Variants in WT1 observed in about 807,000 individuals in gnomAD.
The protein encoded by WT1 is WT1 transcription factor.
Under a neutral mutation model 60.8 loss-of-function variants are expected in WT1, and 8 were observed. That is an observed-to-expected ratio of 0.13 (90% CI 0.08 to 0.24). The LOEUF is 0.24. Among genes scored for constraint, WT1 ranks in the 10% least tolerant of loss-of-function variants. The probability of loss-of-function intolerance (pLI) is 1.00; values close to 1 mark genes in which losing one functional copy is unlikely to be tolerated. For synonymous variants in WT1, 312 were observed against 297.1 expected (o/e 1.05, Z -0.52); for missense variants, 568 against 711.8 (o/e 0.80, Z 2.30).
In WT1 at chr11:32,395,170, A is replaced by G. The variant is rs550704974; in HGVS notation, c.1264+1087T>C. 1.9e-3 allele frequency among the ~76,000 whole-genome samples: 287 copies of G among 152,320 alleles called. 1 individual carries two copies. Among genetic ancestry groups the G allele is most frequent in the Non-Finnish European group, 2.4e-3 (166 of 68,018 alleles). On this transcript the variant is annotated intron_variant, in intron 7 of 9. Transcript: ENST00000452863. ...AGCTCACTTTTTTCTCCAGCTTCCC[A>G]AGAGCAAAATCAGCAGTAATAACAC...
intron 3 of WT1, among the ~76,000 whole-genome samples, chr11:32,418,813 A>T (rs889309039): frequency 6.6e-6 from 1 of 152,244 alleles, no homozygotes; most frequent in Non-Finnish European, 1.5e-5. Context: ...GCATAGCGTG[A>T]TAAATCATGG....
intron 5 of WT1, among the ~76,000 whole-genome samples, chr11:32,405,625 C>T (rs557477826): frequency 2.2e-4 from 27 of 122,784 alleles, no homozygotes; most frequent in Non-Finnish European, 3.7e-4. Flanking sequence ...CATCACCTTA[C>T]ACAAATGACA....
intron 3 of WT1, among the ~76,000 whole-genome samples, chr11:32,426,114 T>C (rs997911137): frequency 6.6e-6 from 1 of 152,004 alleles, no homozygotes. Context: ...AAGTAACGGA[T>C]GTGTGTGTAG....
chr11:32,414,841 C>G (rs1018575755), intron 5 of WT1, among the ~76,000 whole-genome samples: 4 of 150,874 alleles, frequency 2.7e-5, no homozygotes, highest in Admixed American at 2.6e-4. Context: ...CCACTGCACT[C>G]CAGCCTGGGT....
intron 5 of WT1, among the ~76,000 whole-genome samples, chr11:32,403,540 C>T (rs934580651): frequency 2.0e-5 from 3 of 150,484 alleles, no homozygotes; most frequent in Admixed American, 6.6e-5. Flanking sequence ...CTTCTCATTT[C>T]GGACTCCTGG....
chr11:32,432,752 C>A (rs1229197880), intron 1 of WT1, among the ~76,000 whole-genome samples: 2 of 152,186 alleles, frequency 1.3e-5, no homozygotes, highest in Non-Finnish European at 1.5e-5. Flanking sequence ...CCACCCCCCA[C>A]GACATGTGAT....
intron 5 of WT1, among the ~76,000 whole-genome samples, chr11:32,415,663 T>C (rs5030218): frequency 0.34 from 52,084 of 151,994 alleles, 10,398 homozygotes; most frequent in East Asian, 0.72. Context: ...GAAAAGAGAA[T>C]GGGTAGAAAG....
chr11:32,392,566 G>A lies in WT1; in HGVS notation c.1354+100C>T, dbSNP rs184451433. 61 of 1,153,376 alleles carry A rather than the reference G, an allele frequency of 5.3e-5. No individual in the cohort carries two copies. In the East Asian group the frequency reaches 1.2e-3, roughly 22 times the overall value. 71.4% of individuals were successfully genotyped at this position (1,153,376 alleles called of 1,614,324 possible). A position where few individuals can be genotyped will look rare whatever the true frequency, so the allele number is the denominator to read the frequency against. On this transcript the variant is annotated intron_variant, in intron 8 of 9. Transcript: ENST00000452863. ...AAAATACTGGAAAAACTAAACACAT[G>A]GCTGACTCTCTCATTCATATTCAAC...
At chr11:32,397,784 A>T (rs1057190270) in intron 6 of WT1, among the ~76,000 whole-genome samples, 8 of 152,210 alleles carry the variant, frequency 5.3e-5, no homozygotes, top group Non-Finnish European at 8.8e-5. Flanking sequence ...TAAATGCTGC[A>T]GTGACATACA....
chr11:32,433,790 C>G (rs1229907989), intron 1 of WT1, among the ~76,000 whole-genome samples: 1 of 152,200 alleles, frequency 6.6e-6, no homozygotes, highest in East Asian at 1.9e-4. Flanking sequence ...TGCCGAGTTC[C>G]CTCCTTGTAT....
chr11:32,420,852 C>G (rs190998814), intron 3 of WT1, among the ~76,000 whole-genome samples: 2 of 152,320 alleles, frequency 1.3e-5, no homozygotes, highest in Admixed American at 1.3e-4. Context: ...TAGAAGCCCC[C>G]TTTGCCATTC....
chr11:32,391,163 T>G (rs1175716442), intron 9 of WT1, among the ~76,000 whole-genome samples: 1 of 152,106 alleles, frequency 6.6e-6, no homozygotes, highest in African/African-American at 2.4e-5. Context: ...TTTTGTATTT[T>G]TTGTAGAGAC....
At chr11:32,428,094 C>G (rs1433346932) in intron 2 of WT1, 36 bp from the exon 3 acceptor site, 1 of 1,557,642 alleles carries the variant, frequency 6.4e-7, no homozygotes, top group Non-Finnish European at 8.7e-7. Context: ...AGCGAGTGCG[C>G]CCCAAGGGCT....
intron 5 of WT1, chr11:32,400,248 C>G: frequency 3.1e-6 from 2 of 642,646 alleles, no homozygotes; most frequent in South Asian, 3.5e-5. Context: ...CCTCGCAGCC[C>G]CTCCCTCATC....
chr11:32,430,899 C>G (rs1306449508), intron 1 of WT1: 2 of 1,131,038 alleles, frequency 1.8e-6, no homozygotes, highest in Admixed American at 8.8e-5. Context: ...GGGCCCAGCG[C>G]TTGGCCTGGC....
At chr11:32,423,436 G>C (rs74568338) in intron 3 of WT1, among the ~76,000 whole-genome samples, 1,559 of 152,346 alleles carry the variant, frequency 0.01, 18 homozygotes, top group African/African-American at 0.035. Context: ...GGCCTTCAGG[G>C]AAAACGCTGT....
At chr11:32,391,404 A>G (rs1420631238) in intron 9 of WT1, among the ~76,000 whole-genome samples, 1 of 152,256 alleles carries the variant, frequency 6.6e-6, no homozygotes, top group Non-Finnish European at 1.5e-5. Flanking sequence ...GAATCACACC[A>G]GCCTTGCAGA....
At chr11:32,389,867 G>C (rs2132903563) in intron 9 of WT1, among the ~76,000 whole-genome samples, 1 of 152,206 alleles carries the variant, frequency 6.6e-6, no homozygotes, top group East Asian at 1.9e-4. Flanking sequence ...AGAGCCCTCA[G>C]ACATTCTTTC....
chr11:32,412,056 T>C (rs1027121854), intron 5 of WT1, among the ~76,000 whole-genome samples: 3 of 152,136 alleles, frequency 2.0e-5, no homozygotes, highest in Non-Finnish European at 4.4e-5. Context: ...GCAAGCTATC[T>C]ATTTCCAAGA....
Sources: gnomAD v4.1 joint callset for allele counts (sites outside exome capture counted in the v4.1 genomes callset) on GRCh38, gnomAD v4.1.1 for gene constraint, MANE v1.5 for transcripts, NCBI Gene and HGNC (gene_info 2026-07-23, HGNC 2026-07-21) for gene names.